Variants in H1-2 observed in about 807,000 individuals in gnomAD.
The protein encoded by H1-2 is histone H1.2.
In H1-2, 7 loss-of-function variants were observed where a neutral mutation model predicts 7.2. That is an observed-to-expected ratio of 0.97 (90% CI 0.55 to 1.82). H1-2 has a LOEUF of 1.82. Ranked by LOEUF, H1-2 falls within the 40% of genes most tolerant of loss-of-function variation. H1-2 has a pLI of 0.00. For missense variants in H1-2, 703 were observed against 276.6 expected (o/e 2.54, Z -10.94); for synonymous variants, 300 against 118.2 (o/e 2.54, Z -9.98).
rs774107604 is a variant in H1-2, at chr6:26,056,183, A to C, written c.246T>G (p.Leu82=). 1.2e-6 allele frequency: 2 copies of C among 1,614,238 alleles called. No individual in the cohort carries two copies. Among genetic ancestry groups the C allele is most frequent in the Non-Finnish European group, 1.7e-6 (2 of 1,180,038 alleles). The change falls in exon 1 of 1, where the codon CTT becomes CTG. Residue 82 remains leucine, a synonymous_variant. Transcript: ENST00000343677. ...CCTTGCTCACCAGGCTCTTGAGACC[A>C]AGTTTGATACGGCTGTTGTTTTTCT... ...DVEKNNSRIK[L]GLKSLVSKGT... is the part of the protein sequence containing the mutation.
Position 26,056,120 on chromosome 6 carries a change from G to C in H1-2, c.309C>G (p.Gly103=), listed in dbSNP as rs145021663. ...LVQTKGTGAS[G]SFKLNKKAAS... ...CTGCCTTCTTGTTGAGTTTAAAGGAGCCAGAAGCACCGGTGCCTTTCGTTT... is the reference window on the plus strand; with the variant it reads ...CTGCCTTCTTGTTGAGTTTAAAGGACCCAGAAGCACCGGTGCCTTTCGTTT... The change falls in exon 1 of 1, where the codon GGC becomes GGG. Residue 103 remains glycine (G), a synonymous_variant. Coordinates refer to ENST00000343677, the MANE Select transcript of H1-2 (RefSeq NM_005319.4). 321 of 1,614,104 alleles carry C rather than the reference G, an allele frequency of 2.0e-4. No homozygotes were observed. The highest frequency in any genetic ancestry group is 2.6e-4 in the Non-Finnish European group (306 of 1,180,042).
rs772458870 is a variant in H1-2, at chr6:26,055,888, T to G, written c.541A>C (p.Lys181Gln). 1 of 1,614,088 alleles carries G rather than the reference T, an allele frequency of 6.2e-7. No individual in the cohort carries two copies. Among genetic ancestry groups the G allele is most frequent in the Admixed American group, 1.7e-5 (1 of 60,014 alleles). Residue 181 changes from lysine (K) to glutamine (Q), a missense_variant, in exon 1 of 1, where the codon AAG becomes CAG. Coordinates refer to ENST00000343677, the MANE Select transcript of H1-2 (RefSeq NM_005319.4). ...GCACTTTTGGCAGCTTTCTTGGGCT[T>G]CGCAACCTTGGCCTTCTTTGGGCTC... ...AKSPKKAKVA[K>Q]PKKAAKSAAK...
chr6:26,056,063 C>G lies in H1-2; in HGVS notation c.366G>C (p.Lys122Asn), dbSNP rs75026359. The change falls in exon 1 of 1, where the codon AAG (lysine) becomes AAC (asparagine). Residue 122 changes from lysine (K) to asparagine (N), a missense_variant. Transcript: ENST00000343677. ...ASGEAKPKVK[K>N]AGGTKPKKPV... ...GCTTCTTAGGTTTGGTTCCGCCCGC[C>G]TTTTTAACCTTGGGCTTGGCTTCCC... 6.2e-7 allele frequency: 1 copy of G among 1,614,182 alleles called. No homozygotes were observed. The highest frequency in any genetic ancestry group is 8.5e-7 in the Non-Finnish European group (1 of 1,180,046).
Position 26,056,441 on chromosome 6 carries a change from AAACTCGGGTAC to A in H1-2, c.-24_-14del. The A allele has an allele frequency of 6.4e-7, 1 of 1,556,870 alleles. No homozygotes were observed. Among genetic ancestry groups the A allele is most frequent in the East Asian group, 2.3e-5 (1 of 44,440 alleles). The stretch of plus-strand genomic sequence containing the variant: ...CAGTCTCGGACATGTTGAGAATCAA[AAACTCGGGTAC>A]AAGTGGCAAAGCGCCGATGAAGCAG... On this transcript the variant is annotated 5_prime_UTR_variant, in exon 1 of 1. Transcript: ENST00000343677.
rs200330626 is a variant in H1-2, at chr6:26,056,134, T to G, written c.295A>C (p.Thr99Pro). The change falls in exon 1 of 1, where the codon ACC becomes CCC. Residue 99 changes from threonine to proline, a missense_variant. Physicochemically the swap from Thr to Pro is conservative, Grantham distance 38 (BLOSUM62 -1). Coordinates refer to ENST00000343677, the MANE Select transcript of H1-2 (RefSeq NM_005319.4). ...SKGTLVQTKGTGASGSFKLNK... is the reference protein window; with the variant it reads ...SKGTLVQTKGPGASGSFKLNK... Reference sequence around the variant, plus strand: ...AGTTTAAAGGAGCCAGAAGCACCGGTGCCTTTCGTTTGCACCAGAGTGCCC... The same window carrying G: ...AGTTTAAAGGAGCCAGAAGCACCGGGGCCTTTCGTTTGCACCAGAGTGCCC... 1 of 1,614,264 alleles carries G rather than the reference T, an allele frequency of 6.2e-7. No homozygotes were observed. Among genetic ancestry groups the G allele is most frequent in the East Asian group, 2.2e-5 (1 of 44,884 alleles).
At position 26,056,039 on chromosome 6, in the gene H1-2, C is replaced by T. The variant is rs760879817; in HGVS notation, c.390G>A (p.Lys130=). The T allele has an allele frequency of 8.7e-6, 14 of 1,613,990 alleles. No individual in the cohort carries two copies. The African/African-American group carries it at 1.2e-4, about 14-fold the overall frequency. The change falls in exon 1 of 1, where the codon AAG becomes AAA. Residue 130 remains lysine, a synonymous_variant. Transcript: ENST00000343677. ...TGGGCTTCTTGGCTGCCCCAACTGG[C>T]TTCTTAGGTTTGGTTCCGCCCGCCT... ...VKKAGGTKPK[K]PVGAAKKPKK...
Position 26,056,389 on chromosome 6 carries a change from G to A in H1-2, c.40C>T (p.Pro14Ser), listed in dbSNP as rs751385999. The A allele has an allele frequency of 1.2e-6, 2 of 1,602,070 alleles. No homozygotes were observed. Among genetic ancestry groups the A allele is most frequent in the Non-Finnish European group, 1.7e-6 (2 of 1,174,386 alleles). The change falls in exon 1 of 1, where the codon CCT (proline) becomes TCT (serine). Residue 14 changes from proline (P) to serine (S), a missense_variant. Coordinates refer to ENST00000343677, the MANE Select transcript of H1-2 (RefSeq NM_005319.4). ...TTCTTTACAGGGGCCTTCTCCGCAG[G>A]AGGCGCGGCAGCGGGAGCGGCAGGA... ...TAPAAPAAAP[P>S]AEKAPVKKKA...
In H1-2 at chr6:26,056,372, A is replaced by C; in HGVS notation, c.57T>G (p.Pro19=). 6.2e-7 allele frequency: 1 copy of C among 1,611,528 alleles called. No individual in the cohort carries two copies. The highest frequency in any genetic ancestry group is 8.5e-7 in the Non-Finnish European group (1 of 1,178,824). The change falls in exon 1 of 1, where the codon CCT becomes CCG. Residue 19 remains proline, a synonymous_variant. Coordinates refer to ENST00000343677, the MANE Select transcript of H1-2 (RefSeq NM_005319.4). ...CCTTTTTGGCCGCCTTCTTCTTTACAGGGGCCTTCTCCGCAGGAGGCGCGG... is the reference window on the plus strand; with the variant it reads ...CCTTTTTGGCCGCCTTCTTCTTTACCGGGGCCTTCTCCGCAGGAGGCGCGG... ...PAAAPPAEKA[P]VKKKAAKKAG... is the part of the protein sequence containing the mutation.
At position 26,056,230 on chromosome 6, in the gene H1-2, C is replaced by T. The variant is rs561654336; in HGVS notation, c.199G>A (p.Ala67Thr). ...VSLAALKKALAAAGYDVEKNN... is the reference protein window; with the variant it reads ...VSLAALKKALTAAGYDVEKNN... Reference sequence around the variant, plus strand: ...TTCTCCACATCATAGCCGGCGGCAGCCAACGCTTTTTTCAGAGCAGCCAGA... The same window carrying T: ...TTCTCCACATCATAGCCGGCGGCAGTCAACGCTTTTTTCAGAGCAGCCAGA... The change falls in exon 1 of 1, where the codon GCT (alanine) becomes ACT (threonine). Residue 67 changes from alanine (A) to threonine (T), a missense_variant. Transcript: ENST00000343677. 12 of 1,614,228 alleles carry T rather than the reference C, an allele frequency of 7.4e-6. 1 individual carries two copies. The highest frequency in any genetic ancestry group is 3.3e-5 in the South Asian group (3 of 91,088).
rs150843466 is a variant in H1-2 at position 26,056,021 on chromosome 6, C to G, written c.408G>C (p.Lys136Asn). The change falls in exon 1 of 1, where the codon AAG becomes AAC. Residue 136 changes from lysine (K) to asparagine (N), a missense_variant. Transcript: ENST00000343677. ...CGCCGCCAGCCGCCTTCTTGGGCTT[C>G]TTGGCTGCCCCAACTGGCTTCTTAG... ...TKPKKPVGAA[K>N]KPKKAAGGAT... is the part of the protein sequence containing the mutation. The G allele has an allele frequency of 6.2e-7, 1 of 1,614,112 alleles. No individual in the cohort carries two copies. The highest frequency in any genetic ancestry group is 8.5e-7 in the Non-Finnish European group (1 of 1,180,028).
Position 26,055,885 on chromosome 6 carries a change from G to A in H1-2, c.544C>T (p.Pro182Ser), listed in dbSNP as rs1761905399. The A allele has an allele frequency of 3.1e-6, 5 of 1,614,018 alleles. No homozygotes were observed. Among genetic ancestry groups the A allele is most frequent in the South Asian group, 2.2e-5 (2 of 91,086 alleles). ...GCAGCACTTTTGGCAGCTTTCTTGG[G>A]CTTCGCAACCTTGGCCTTCTTTGGG... Reference protein sequence around the residue: ...KSPKKAKVAKPKKAAKSAAKA... With the variant: ...KSPKKAKVAKSKKAAKSAAKA... Residue 182 changes from proline (P) to serine (S), a missense_variant, in exon 1 of 1, where the codon CCC becomes TCC. Pro to Ser is a moderately conservative substitution (Grantham distance 74). Transcript: ENST00000343677.
Position 26,055,896 on chromosome 6 carries a change from T to G in H1-2, c.533A>C (p.Lys178Thr). ...GGCAGCTTTCTTGGGCTTCGCAACC[T>G]TGGCCTTCTTTGGGCTCTTAGCCAC... ...KKVAKSPKKA[K>T]VAKPKKAAKS... is the part of the protein sequence containing the mutation. Residue 178 changes from lysine to threonine, a missense_variant, in exon 1 of 1, where the codon AAG becomes ACG. Physicochemically the swap from Lys to Thr is moderately conservative, Grantham distance 78. Coordinates refer to ENST00000343677, the MANE Select transcript of H1-2 (RefSeq NM_005319.4). The G allele has an allele frequency of 6.2e-7, 1 of 1,614,216 alleles. No homozygotes were observed. The highest frequency in any genetic ancestry group is 1.7e-5 in the Admixed American group (1 of 60,028).
Position 26,055,947 on chromosome 6 carries a change from G to C in H1-2, c.482C>G (p.Pro161Arg), listed in dbSNP as rs61742489. 2 of 1,614,090 alleles carry C rather than the reference G, an allele frequency of 1.2e-6. No homozygotes were observed. The highest frequency in any genetic ancestry group is 1.7e-6 in the Non-Finnish European group (2 of 1,180,028). ...AKKTPKKAKK[P>R]AAATVTKKVA... ...TTTCTTGGTTACAGTGGCCGCGGCC[G>C]GCTTCTTCGCTTTCTTCGGTGTTTT... The change falls in exon 1 of 1, where the codon CCG becomes CGG. Residue 161 changes from proline to arginine, a missense_variant. By Grantham distance (103) the Pro-to-Arg change is moderately radical (BLOSUM62 -2). Coordinates refer to ENST00000343677, the MANE Select transcript of H1-2 (RefSeq NM_005319.4).
rs141292978 is a variant in H1-2 at position 26,056,392 on chromosome 6, G to C, written c.37C>G (p.Pro13Ala). ...ETAPAAPAAA[P>A]PAEKAPVKKK... ...TTTACAGGGGCCTTCTCCGCAGGAG[G>C]CGCGGCAGCGGGAGCGGCAGGAGCA... The change falls in exon 1 of 1, where the codon CCT becomes GCT. Residue 13 changes from proline (P) to alanine (A), a missense_variant. Pro to Ala is a conservative substitution (Grantham distance 27, BLOSUM62 -1). Coordinates refer to ENST00000343677, the MANE Select transcript of H1-2 (RefSeq NM_005319.4). 2.5e-6 allele frequency: 4 copies of C among 1,601,336 alleles called. No homozygotes were observed. Among genetic ancestry groups the C allele is most frequent in the Non-Finnish European group, 3.4e-6 (4 of 1,173,994 alleles).
chr6:26,056,129 A>C lies in H1-2; in HGVS notation c.300T>G (p.Gly100=), dbSNP rs1233743386. ...KGTLVQTKGT[G]ASGSFKLNKK... Reference sequence around the variant, plus strand: ...TGTTGAGTTTAAAGGAGCCAGAAGCACCGGTGCCTTTCGTTTGCACCAGAG... The same window carrying C: ...TGTTGAGTTTAAAGGAGCCAGAAGCCCCGGTGCCTTTCGTTTGCACCAGAG... Residue 100 remains glycine (G), a synonymous_variant, in exon 1 of 1, where the codon GGT becomes GGG. Transcript: ENST00000343677. 2 of 1,614,118 alleles carry C rather than the reference A, an allele frequency of 1.2e-6. No homozygotes were observed. Among genetic ancestry groups the C allele is most frequent in the Admixed American group, 3.3e-5 (2 of 60,008 alleles).
rs370981488 is a variant in H1-2, at chr6:26,055,903, T to G, written c.526A>C (p.Lys176Gln). The G allele has an allele frequency of 1.9e-5, 31 of 1,614,044 alleles. No homozygotes were observed. The highest frequency in any genetic ancestry group is 1.6e-4 in the East Asian group (7 of 44,888). ...TTCTTGGGCTTCGCAACCTTGGCCT[T>G]CTTTGGGCTCTTAGCCACTTTCTTG... ...VTKKVAKSPK[K>Q]AKVAKPKKAA... Residue 176 changes from lysine (K) to glutamine (Q), a missense_variant, in exon 1 of 1, where the codon AAG becomes CAG. Lys to Gln is a moderately conservative substitution (Grantham distance 53). Transcript: ENST00000343677.
Position 26,056,393 on chromosome 6 carries a change from C to CGCGGCAGCGGGA in H1-2, c.24_35dup (p.Ala10_Pro13dup), listed in dbSNP as rs750289422. ...TTACAGGGGCCTTCTCCGCAGGAGG[C>CGCGGCAGCGGGA]GCGGCAGCGGGAGCGGCAGGAGCAG... On this transcript the variant is annotated inframe_insertion, in exon 1 of 1. Transcript: ENST00000343677. 1.2e-6 allele frequency: 2 copies of CGCGGCAGCGGGA among 1,600,454 alleles called. No homozygotes were observed. Among genetic ancestry groups the CGCGGCAGCGGGA allele is most frequent in the East Asian group, 2.2e-5 (1 of 44,678 alleles).
Position 26,056,229 on chromosome 6 carries a change from G to T in H1-2, c.200C>A (p.Ala67Asp), listed in dbSNP as rs748823072. The T allele has an allele frequency of 1.2e-6, 2 of 1,614,250 alleles. No individual in the cohort carries two copies. The highest frequency in any genetic ancestry group is 1.7e-6 in the Non-Finnish European group (2 of 1,180,048). Reference protein sequence around the residue: ...VSLAALKKALAAAGYDVEKNN... With the variant: ...VSLAALKKALDAAGYDVEKNN... Reference sequence around the variant, plus strand: ...TTTCTCCACATCATAGCCGGCGGCAGCCAACGCTTTTTTCAGAGCAGCCAG... The same window carrying T: ...TTTCTCCACATCATAGCCGGCGGCATCCAACGCTTTTTTCAGAGCAGCCAG... The change falls in exon 1 of 1, where the codon GCT (alanine) becomes GAT (aspartate). Residue 67 changes from alanine to aspartate, a missense_variant. Coordinates refer to ENST00000343677, the MANE Select transcript of H1-2 (RefSeq NM_005319.4).
rs1479295677 is a variant in H1-2 at position 26,056,429 on chromosome 6, G to A, written c.-1C>T. 13 of 1,565,480 alleles carry A rather than the reference G, an allele frequency of 8.3e-6. No individual in the cohort carries two copies. Among genetic ancestry groups the A allele is most frequent in the Admixed American group, 6.2e-5 (3 of 48,594 alleles). ...GAGCGGCAGGAGCAGTCTCGGACATGTTGAGAATCAAAAACTCGGGTACAA... is the reference window on the plus strand; with the variant it reads ...GAGCGGCAGGAGCAGTCTCGGACATATTGAGAATCAAAAACTCGGGTACAA... On this transcript the variant is annotated 5_prime_UTR_variant, in exon 1 of 1. Transcript: ENST00000343677.
Sources: gnomAD v4.1 joint callset for allele counts on GRCh38, gnomAD v4.1.1 for gene constraint, MANE v1.5 for transcripts, NCBI Gene and HGNC (gene_info 2026-07-23, HGNC 2026-07-21) for gene names.